Variants in LMO1 observed in about 807,000 individuals in gnomAD.
LMO1 encodes rhombotin-1.
LMO1 carries 10 observed loss-of-function variants against 18.0 expected under a neutral mutation model. The observed-to-expected ratio is 0.55, with a 90% confidence interval of 0.34 to 0.94. The LOEUF is 0.94. LMO1 is among the 40% of genes least tolerant of loss of function. The pLI is 0.02. For missense variants in LMO1, 183 were observed against 205.7 expected, an observed-to-expected ratio of 0.89 and a Z score of 0.68; for synonymous variants, 77 against 77.9, an observed-to-expected ratio of 0.99 and a Z score of 0.06.
intron 1 of LMO1, among the ~76,000 whole-genome samples, chr11:8,258,134 T>C (rs1220221150): frequency 6.6e-6 from 1 of 152,194 alleles, no homozygotes; most frequent in Non-Finnish European, 1.5e-5. Context: ...CTTAGTGCAA[T>C]GATAGAGGTG....
chr11:8,242,197 G>A lies in LMO1; in HGVS notation c.26-11693C>T, dbSNP rs1317672161. 3.3e-5 allele frequency among the ~76,000 whole-genome samples: 5 copies of A among 152,316 alleles called. No individual in the cohort carries two copies. In the East Asian group the frequency reaches 9.7e-4, roughly 29 times the overall value. ...GAGAAGCCATCCCAGGGCTCCAGCT[G>A]AGGAACAACAGCTCTCATGCAAATA... On this transcript the variant is annotated intron_variant, in intron 1 of 3. Transcript: ENST00000335790.
intron 1 of LMO1, among the ~76,000 whole-genome samples, chr11:8,250,192 C>G (rs894800272): frequency 2.0e-4 from 30 of 152,162 alleles, no homozygotes; most frequent in African/African-American, 7.2e-4. Flanking sequence ...TCTTTTCTGG[C>G]AATTATTTCT....
At chr11:8,239,137 C>T (rs1434340134) in intron 1 of LMO1, among the ~76,000 whole-genome samples, 2 of 152,208 alleles carry the variant, frequency 1.3e-5, no homozygotes, top group Non-Finnish European at 2.9e-5. Flanking sequence ...GGAATCCTGG[C>T]CTGTCAGAAT....
At chr11:8,257,379 G>T (rs1847114647) in intron 1 of LMO1, among the ~76,000 whole-genome samples, 1 of 152,184 alleles carries the variant, frequency 6.6e-6, no homozygotes, top group South Asian at 2.1e-4. Flanking sequence ...ACTTCCAAAG[G>T]CCCAGGACAG....
At chr11:8,267,928 TG>T (rs1045684572), upstream of LMO1, among the ~76,000 whole-genome samples, 5 of 152,302 alleles carry the variant, frequency 3.3e-5, no homozygotes, top group Admixed American at 2.0e-4. Flanking sequence ...GAGACAGTGC[TG>T]GTTTGACGGC....
chr11:8,262,164 A>C (rs1847196642), intron 1 of LMO1, among the ~76,000 whole-genome samples: 1 of 152,258 alleles, frequency 6.6e-6, no homozygotes, highest in South Asian at 2.1e-4. Flanking sequence ...GCTCAGGCCC[A>C]GCAGAGACTC....
upstream of LMO1, among the ~76,000 whole-genome samples, chr11:8,264,853 G>A (rs1194552996): frequency 1.3e-5 from 2 of 152,038 alleles, no homozygotes; most frequent in Non-Finnish European, 2.9e-5. Flanking sequence ...GGCTGGTCTC[G>A]AACTCCTGAC....
At chr11:8,266,951 C>T (rs749629315), upstream of LMO1, among the ~76,000 whole-genome samples, 5 of 152,258 alleles carry the variant, frequency 3.3e-5, no homozygotes, top group Admixed American at 6.5e-5. Flanking sequence ...CTACAGACTT[C>T]GCAGTGCAAT....
At chr11:8,265,422 C>T (rs1011441000), upstream of LMO1, among the ~76,000 whole-genome samples, 13 of 152,156 alleles carry the variant, frequency 8.5e-5, no homozygotes, top group Non-Finnish European at 1.5e-5. Flanking sequence ...CAGCGGGCTG[C>T]AGCCATATTC....
rs978921779 is a variant in LMO1 at position 8,225,412 on chromosome 11, A to G, written c.366-691T>C. ...AGAGTAAGACTCCATCTCAAAAAAAAAAAAAAAAAAAAAAAAAAAAGGCAG... is the reference window on the plus strand; with the variant it reads ...AGAGTAAGACTCCATCTCAAAAAAAGAAAAAAAAAAAAAAAAAAAAGGCAG... On this transcript the variant is annotated intron_variant, in intron 3 of 3. Transcript: ENST00000335790. 6.2e-3 allele frequency among the ~76,000 whole-genome samples: 849 copies of G among 137,302 alleles called. 2 individuals carry two copies. The highest frequency in any genetic ancestry group is 0.025 in the African/African-American group (740 of 29,716). The allele number at this position is 137,302 out of a possible 152,430, so 90.1% of individuals were successfully genotyped here. A position where few individuals can be genotyped will look rare whatever the true frequency, so the allele number is the denominator to read the frequency against.
chr11:8,237,017 C>T lies in LMO1; in HGVS notation c.26-6513G>A, dbSNP rs79670785. 9.5e-3 allele frequency among the ~76,000 whole-genome samples: 1,446 copies of T among 152,296 alleles called. 14 individuals are homozygous for T. The highest frequency in any genetic ancestry group is 0.038 in the Middle Eastern group (11 of 292). ...AATCAAGCTCTGATTTCAACAAAAC[C>T]CGCAAGTAAGAGGCCTGAAGATGGA... On this transcript the variant is annotated intron_variant, in intron 1 of 3. Coordinates refer to ENST00000335790, the MANE Select transcript of LMO1 (RefSeq NM_002315.3).
chr11:8,253,605 T>C (rs1847040709), intron 1 of LMO1, among the ~76,000 whole-genome samples: 1 of 152,100 alleles, frequency 6.6e-6, no homozygotes, highest in Non-Finnish European at 1.5e-5. Context: ...CAGTCCTTCC[T>C]GGATACTGTC....
chr11:8,265,308 A>G (rs1007388121), upstream of LMO1, among the ~76,000 whole-genome samples: 1 of 152,080 alleles, frequency 6.6e-6, no homozygotes, highest in Non-Finnish European at 1.5e-5. Flanking sequence ...CACTCCAGAC[A>G]ATGCAGGGGG....
chr11:8,258,300 G>C (rs1400972483), intron 1 of LMO1, among the ~76,000 whole-genome samples: 1 of 152,148 alleles, frequency 6.6e-6, no homozygotes. Context: ...TGCTATATGG[G>C]GGCACAGCTC....
intron 1 of LMO1, among the ~76,000 whole-genome samples, chr11:8,232,223 T>A (rs868171301): frequency 2.4e-4 from 37 of 152,298 alleles, no homozygotes; most frequent in African/African-American, 8.7e-4. Context: ...GTGAGTGTGC[T>A]GCCTAATTTC....
At chr11:8,234,313 T>G (rs1400430723) in intron 1 of LMO1, among the ~76,000 whole-genome samples, 1 of 152,136 alleles carries the variant, frequency 6.6e-6, no homozygotes, top group Non-Finnish European at 1.5e-5. Context: ...GGGGACGCAC[T>G]GCCAGAGGTC....
chr11:8,251,868 TGTGA>T (rs1310333411), intron 1 of LMO1, among the ~76,000 whole-genome samples: 14 of 7,806 alleles, frequency 1.8e-3, no homozygotes, highest in African/African-American at 4.5e-3. Flanking sequence ...TGTGAATGTG[TGTGA>T]GTGTGTGTGT....
At chr11:8,256,281 G>A (rs1590561016) in intron 1 of LMO1, among the ~76,000 whole-genome samples, 1 of 152,238 alleles carries the variant, frequency 6.6e-6, no homozygotes, top group East Asian at 1.9e-4. Context: ...TATCAAGTGT[G>A]TGCTTGGACA....
rs553577678 is a variant in LMO1 at position 8,242,488 on chromosome 11, G to A, written c.26-11984C>T. On this transcript the variant is annotated intron_variant, in intron 1 of 3. Transcript: ENST00000335790. The stretch of plus-strand genomic sequence containing the variant: ...TCTCTGGGGGCCAGTGGGAGGAAGC[G>A]ACCCCTGGAGTTTGCTACAGAAAAG... Among the ~76,000 whole-genome samples the A allele has an allele frequency of 3.9e-5, 6 of 152,210 alleles. No individual in the cohort carries two copies. The East Asian group carries it at 7.7e-4, about 20-fold the overall frequency.
Sources: gnomAD v4.1 joint callset for allele counts (sites outside exome capture counted in the v4.1 genomes callset) on GRCh38, gnomAD v4.1.1 for gene constraint, MANE v1.5 for transcripts, NCBI Gene and HGNC (gene_info 2026-07-23, HGNC 2026-07-21) for gene names.